TEKT3: variants seen among roughly 807,000 people sequenced by gnomAD.
TEKT3 encodes the protein tektin-3.
Under a neutral mutation model 49.8 loss-of-function variants are expected in TEKT3, and 49 were observed. The observed-to-expected ratio is 0.98, with a 90% confidence interval of 0.78 to 1.25. The LOEUF is 1.25. TEKT3 is among the 50% of genes most tolerant of loss of function. TEKT3 has a pLI of 0.00. For missense variants in TEKT3, 595 were observed against 629.5 expected, an observed-to-expected ratio of 0.95 and a Z score of 0.59; for synonymous variants, 225 against 237.2, an observed-to-expected ratio of 0.95 and a Z score of 0.47.
At chr17:15,330,721 G>A (rs184886299) in intron 3 of TEKT3, among the ~76,000 whole-genome samples, 101 of 152,226 alleles carry the variant, frequency 6.6e-4, no homozygotes, top group African/African-American at 2.3e-3. Flanking sequence ...TACAGATGGC[G>A]TGTTCACCTT....
chr17:15,308,538 C>T, intron 8 of TEKT3, 126 bp downstream of exon 8: 1 of 1,285,132 alleles, frequency 7.8e-7, no homozygotes, highest in Non-Finnish European at 1.1e-6. Context: ...CTCCCCATTA[C>T]TACCATTCTC....
intron 8 of TEKT3, among the ~76,000 whole-genome samples, chr17:15,307,404 C>T (rs1910596965): frequency 6.6e-6 from 1 of 152,212 alleles, no homozygotes; most frequent in Non-Finnish European, 1.5e-5. Context: ...AGCCACTCAC[C>T]CACTCCTGCC....
At chr17:15,322,320 G>A (rs543407521) in intron 4 of TEKT3, among the ~76,000 whole-genome samples, 1 of 152,190 alleles carries the variant, frequency 6.6e-6, no homozygotes, top group Non-Finnish European at 1.5e-5. Flanking sequence ...CTGACCAGAG[G>A]CAAGTAATAA....
In TEKT3 at chr17:15,308,726, G is replaced by T. The variant is rs748179408; in HGVS notation, c.1194C>A (p.Thr398=). 2.5e-6 allele frequency: 4 copies of T among 1,613,876 alleles called. No homozygotes were observed. The South Asian group carries it at 4.4e-5, about 18-fold the overall frequency. Residue 398 remains threonine (T), a synonymous_variant, in exon 8 of 9, where the codon ACC becomes ACA. Coordinates refer to ENST00000395930, the MANE Select transcript of TEKT3 (RefSeq NM_031898.3). The part of the protein sequence containing the change: ...DKTAFLKVAQ[T]RLDERTRRPN... ...GCCGTCTTGTGCGCTCATCCAGTCT[G>T]GTCTGAGCCACCTTCAGGAAGGCAG... is the stretch of plus-strand genomic sequence containing the variant.
Position 15,328,028 on chromosome 17 carries a change from G to T in TEKT3, c.627C>A (p.Asp209Glu). Residue 209 changes from aspartate to glutamate, a missense_variant, in exon 4 of 9, where the codon GAC becomes GAA. Transcript: ENST00000395930. ...GTGCTTCAACTTCATCGTGAACTAGGTCGATTCCCATTCTCTTTTCTCGAT... is the reference window on the plus strand; with the variant it reads ...GTGCTTCAACTTCATCGTGAACTAGTTCGATTCCCATTCTCTTTTCTCGAT... Reference protein sequence around the residue: ...LFHREKRMGIDLVHDEVEAQL... With the variant: ...LFHREKRMGIELVHDEVEAQL... 6.2e-7 allele frequency: 1 copy of T among 1,613,964 alleles called. No homozygotes were observed. The highest frequency in any genetic ancestry group is 8.5e-7 in the Non-Finnish European group (1 of 1,179,944).
At chr17:15,314,690 G>A (rs1201843468) in intron 5 of TEKT3, among the ~76,000 whole-genome samples, 3 of 152,028 alleles carry the variant, frequency 2.0e-5, no homozygotes, top group South Asian at 2.1e-4. Context: ...AAGAAATCAT[G>A]AGGCCTTTAT....
In TEKT3 at chr17:15,304,075, AG is replaced by A. The variant is rs765629538; in HGVS notation, c.1333del (p.Leu445CysfsTer30). The A allele has an allele frequency of 1.2e-6, 2 of 1,613,914 alleles. No homozygotes were observed. The highest frequency in any genetic ancestry group is 2.2e-5 in the South Asian group (2 of 91,072). On this transcript the variant is annotated frameshift_variant, in exon 9 of 9. Transcript: ENST00000395930. LOFTEE classifies it high-confidence loss of function. The surrounding 1 kb of genome is among the most constrained non-coding windows in gnomAD (Gnocchi z 4.7). ...GGCTTTGATGTGGACCAGCGACTGC[AG>A]GGTGTCCTCTGCATCCCTCAGGCGC... ...QQRLRDAEDTLQSLVHIKATL... is the reference protein window; with the variant it reads ...QQRLRDAEDTXQSLVHIKATL...
chr17:15,341,753 G>C (rs977942142), upstream of TEKT3: 5 of 152,358 alleles, frequency 3.3e-5, no homozygotes, highest in African/African-American at 1.2e-4. Context: ...GAAACCCGTC[G>C]GGCGGCGGTT....
intron 4 of TEKT3, chr17:15,327,784 A>G (rs1006593735): frequency 2.2e-6 from 1 of 450,056 alleles, no homozygotes; most frequent in South Asian, 5.4e-5. Context: ...AGTGATTTTC[A>G]TCTTTATTTA....
rs201357820 is a variant in TEKT3 at position 15,303,956 on chromosome 17, G to T, written c.1453C>A (p.Arg485=). 1 of 1,614,010 alleles carries T rather than the reference G, an allele frequency of 6.2e-7. No individual in the cohort carries two copies. Among genetic ancestry groups the T allele is most frequent in the South Asian group, 1.1e-5 (1 of 91,072 alleles). Residue 485 remains arginine, a synonymous_variant, in exon 9 of 9, where the codon CGG becomes AGG. Transcript: ENST00000395930. The part of the protein sequence containing the change: ...SMRKSYPNTL[R]LVGFC Reference sequence around the variant, plus strand: ...GGTCCCTAGCAGAAGCCGACCAGCCGGAGGGTGTTGGGGTAGCTCTTGCGC... The same window carrying T: ...GGTCCCTAGCAGAAGCCGACCAGCCTGAGGGTGTTGGGGTAGCTCTTGCGC...
At chr17:15,312,064 C>T (rs530115478) in intron 7 of TEKT3, among the ~76,000 whole-genome samples, 195 bp downstream of exon 7, 1 of 152,276 alleles carries the variant, frequency 6.6e-6, no homozygotes, top group South Asian at 2.1e-4. Context: ...CCAGTGGATT[C>T]CAATTTCATT....
At chr17:15,334,723 G>A (rs1210709040) in intron 2 of TEKT3, among the ~76,000 whole-genome samples, 1 of 152,184 alleles carries the variant, frequency 6.6e-6, no homozygotes, top group East Asian at 1.9e-4. Flanking sequence ...AGTTTCATAT[G>A]GAGAGAATAT....
At chr17:15,324,390 GT>G (rs1395931744) in intron 4 of TEKT3, among the ~76,000 whole-genome samples, 1 of 152,116 alleles carries the variant, frequency 6.6e-6, no homozygotes, top group Non-Finnish European at 1.5e-5. Flanking sequence ...TATGAATAAT[GT>G]TGTTATAAAT....
At chr17:15,308,977 C>G in intron 7 of TEKT3, 159 bp from the exon 8 acceptor site, 1 of 848,856 alleles carries the variant, frequency 1.2e-6, no homozygotes, top group South Asian at 1.8e-5. Flanking sequence ...AGCCCTGCCC[C>G]AGGGAACCCA....
rs1333962481 is a variant in TEKT3 at position 15,331,381 on chromosome 17, A to T, written c.205T>A (p.Cys69Ser). 1 of 1,614,086 alleles carries T rather than the reference A, an allele frequency of 6.2e-7. No homozygotes were observed. Among genetic ancestry groups the T allele is most frequent in the Non-Finnish European group, 8.5e-7 (1 of 1,180,046 alleles). Residue 69 changes from cysteine to serine, a missense_variant, in exon 3 of 9, where the codon TGC becomes AGC. Coordinates refer to ENST00000395930, the MANE Select transcript of TEKT3 (RefSeq NM_031898.3). ...TCGGACACCCTCTGTGATCTGGTGC[A>T]GTACGGGGCCACGCTTGGGGAATTG... ...ASNSPSVAPYCTRSQRVSENT... is the reference protein window; with the variant it reads ...ASNSPSVAPYSTRSQRVSENT...
intron 4 of TEKT3, among the ~76,000 whole-genome samples, chr17:15,324,142 T>C (rs1030186790): frequency 6.6e-6 from 1 of 152,216 alleles, no homozygotes; most frequent in Admixed American, 6.5e-5. Context: ...AACCTACTTA[T>C]AGTCTCTATA....
chr17:15,327,856 C>T (rs1911554986), intron 4 of TEKT3, 136 bp downstream of exon 4: 1 of 656,768 alleles, frequency 1.5e-6, no homozygotes, highest in African/African-American at 1.8e-5. Context: ...CATGTCTTTG[C>T]TAAATGCTAT....
At chr17:15,330,896 G>T (rs996445369) in intron 3 of TEKT3, 111 bp downstream of exon 3, 10 of 1,099,716 alleles carry the variant, frequency 9.1e-6, no homozygotes, top group African/African-American at 4.8e-5. Flanking sequence ...TTGATAGGGG[G>T]TTGGCTTCAA....
rs556268086 is a variant in TEKT3, at chr17:15,312,314, T to C, written c.1046A>G (p.Asn349Ser). 1.4e-5 allele frequency: 22 copies of C among 1,614,264 alleles called. No homozygotes were observed. The highest frequency in any genetic ancestry group is 9.3e-5 in the African/African-American group (7 of 75,076). ...QFNKVNLSFT[N>S]RIAETADAKN... is the part of the protein sequence containing the mutation. ...AGCATCTGCAGTCTCAGCAATGCGA[T>C]TGGTGAAAGACAAGTTCACTTTGTT... Residue 349 changes from asparagine to serine, a missense_variant, in exon 7 of 9, where the codon AAT becomes AGT. Physicochemically the swap from Asn to Ser is conservative, Grantham distance 46. Transcript: ENST00000395930.
Sources: allele counts gnomAD v4.1 joint callset (sites outside exome capture counted in the v4.1 genomes callset), GRCh38; gene constraint gnomAD v4.1.1; non-coding constraint Gnocchi (gnomAD v3.1); transcripts MANE v1.5; gene names NCBI Gene and HGNC (gene_info 2026-07-23, HGNC 2026-07-21).